The following LHPP variants were observed in gnomAD, a reference collection of about 807,000 sequenced individuals.
LHPP encodes the protein hLHPP.
Under a neutral mutation model 30.3 loss-of-function variants are expected in LHPP, and 24 were observed. That is an observed-to-expected ratio of 0.79 (90% CI 0.57 to 1.11). The LOEUF (loss-of-function observed/expected upper bound fraction) is 1.11. Among genes scored for constraint, LHPP ranks in the 50% most tolerant of loss-of-function variants. LHPP has a pLI of 0.00. For synonymous variants in LHPP, 150 were observed against 157.1 expected (o/e 0.95, Z 0.34); for missense variants, 356 against 367.2 (o/e 0.97, Z 0.25).
chr10:124,522,126 C>G (rs1190959547), intron 6 of LHPP, among the ~76,000 whole-genome samples: 1 of 152,210 alleles, frequency 6.6e-6, no homozygotes, highest in Non-Finnish European at 1.5e-5. Context: ...CATCCCCGGG[C>G]AGGGGTGTCT....
intron 6 of LHPP, among the ~76,000 whole-genome samples, chr10:124,533,169 T>C (rs1954939946): frequency 6.6e-6 from 1 of 152,132 alleles, no homozygotes; most frequent in African/African-American, 2.4e-5. Flanking sequence ...TCTGCAGGCA[T>C]CTGAGATATT....
At chr10:124,561,683 G>A (rs190308405) in intron 6 of LHPP, among the ~76,000 whole-genome samples, 7 of 151,592 alleles carry the variant, frequency 4.6e-5, no homozygotes, top group East Asian at 2.0e-4. Context: ...GAACCTGGAC[G>A]TCCACCCCAC....
chr10:124,500,299 C>A (rs529201615), intron 5 of LHPP, among the ~76,000 whole-genome samples: 2 of 151,894 alleles, frequency 1.3e-5, no homozygotes, highest in Middle Eastern at 3.4e-3. Flanking sequence ...ATGGTGAAAC[C>A]CCGTCTCTAC....
At chr10:124,522,725 C>CCCG (rs1554886530) in intron 6 of LHPP, among the ~76,000 whole-genome samples, 3 of 148,576 alleles carry the variant, frequency 2.0e-5, no homozygotes, top group Non-Finnish European at 4.4e-5. Context: ...CTGCCCACGC[C>CCCG]CCCCCCCAAG....
chr10:124,530,845 C>T (rs1445192356), intron 6 of LHPP, among the ~76,000 whole-genome samples: 2 of 152,228 alleles, frequency 1.3e-5, no homozygotes, highest in African/African-American at 4.8e-5. Flanking sequence ...TCAGAGTCTC[C>T]TGCAGCCCTG....
At chr10:124,507,087 G>T (rs923093502) in intron 5 of LHPP, among the ~76,000 whole-genome samples, 1 of 21,864 alleles carries the variant, frequency 4.6e-5, no homozygotes. Context: ...TTCAGGTGGG[G>T]GGGTAGGGAG....
chr10:124,545,309 AG>A lies in LHPP; in HGVS notation c.716+28040del, dbSNP rs540055346. 5.9e-5 allele frequency among the ~76,000 whole-genome samples: 9 copies of A among 152,346 alleles called. No homozygotes were observed. The South Asian group carries it at 1.9e-3, about 32-fold the overall frequency. On this transcript the variant is annotated intron_variant, in intron 6 of 6. Transcript: ENST00000368842. Reference sequence around the variant, plus strand: ...TTGTGCGAACCTCCCAGGCCATCCCAGGATGAACTGAGATCATGCCCATAAC... The same window carrying A: ...TTGTGCGAACCTCCCAGGCCATCCCAGATGAACTGAGATCATGCCCATAAC...
chr10:124,598,865 CT>C lies in LHPP; in HGVS notation c.717-14398del, dbSNP rs368214654. Among the ~76,000 whole-genome samples the C allele has an allele frequency of 7.1e-3, 1,078 of 151,592 alleles. 10 individuals carry two copies. The highest frequency in any genetic ancestry group is 0.025 in the African/African-American group (1,030 of 41,256). ...TCCATCTGTCCACCTGTCCATCCCCCTATCCATCCCTGTCCATTCGTCCACC... is the reference window on the plus strand; with the variant it reads ...TCCATCTGTCCACCTGTCCATCCCCCATCCATCCCTGTCCATTCGTCCACC... On this transcript the variant is annotated intron_variant, in intron 6 of 6. Coordinates refer to ENST00000368842, the MANE Select transcript of LHPP (RefSeq NM_022126.4).
chr10:124,485,720 C>T (rs1953304597), intron 2 of LHPP, among the ~76,000 whole-genome samples: 2 of 151,966 alleles, frequency 1.3e-5, no homozygotes, highest in Non-Finnish European at 2.9e-5. Flanking sequence ...TCTGCCTCAG[C>T]CCCCCAAGTA....
Position 124,592,733 on chromosome 10 carries a change from A to G in LHPP, c.717-20531A>G, listed in dbSNP as rs1378657178. ...AACGGTGGGACAGGACCAGGGTCTG[A>G]GGAAAAGCAAAGCAGTGTTGACAGA... On this transcript the variant is annotated intron_variant, in intron 6 of 6. Coordinates refer to ENST00000368842, the MANE Select transcript of LHPP (RefSeq NM_022126.4). This position sits in a 1 kb window ranked among gnomAD's most constrained non-coding sequence, Gnocchi z 6.2. Among the ~76,000 whole-genome samples the G allele has an allele frequency of 2.0e-5, 3 of 152,182 alleles. No homozygotes were observed. The highest frequency in any genetic ancestry group is 7.2e-5 in the African/African-American group (3 of 41,446).
intron 6 of LHPP, among the ~76,000 whole-genome samples, chr10:124,595,193 GT>G (rs1948927905): frequency 6.6e-6 from 1 of 152,218 alleles, no homozygotes; most frequent in Non-Finnish European, 1.5e-5. Flanking sequence ...TCTGGGCAGG[GT>G]TGGGGGGTGA....
chr10:124,522,928 G>C (rs575459686), intron 6 of LHPP, among the ~76,000 whole-genome samples: 2 of 152,302 alleles, frequency 1.3e-5, no homozygotes, highest in Middle Eastern at 6.8e-3. Flanking sequence ...CTGAGCCACA[G>C]ACCCTTCCTG....
At chr10:124,549,004 T>C (rs921284746) in intron 6 of LHPP, among the ~76,000 whole-genome samples, 5 of 152,190 alleles carry the variant, frequency 3.3e-5, no homozygotes, top group Non-Finnish European at 7.3e-5. Context: ...GGCAAAACAC[T>C]TGACATCTAT....
At chr10:124,611,975 C>T (rs1949207420) in intron 6 of LHPP, among the ~76,000 whole-genome samples, 1 of 152,176 alleles carries the variant, frequency 6.6e-6, no homozygotes, top group African/African-American at 2.4e-5. Flanking sequence ...GCAGACGGGC[C>T]GCTCCCCACT....
intron 6 of LHPP, chr10:124,526,106 A>AC (rs1800067315): frequency 1.1e-6 from 1 of 872,912 alleles, no homozygotes; most frequent in African/African-American, 1.8e-5. Context: ...GAGTGGTGGG[A>AC]CAGGGATTGA....
Position 124,567,732 on chromosome 10 carries a change from CACAT to C in LHPP, c.717-45531_717-45528del, listed in dbSNP as rs764166683. The stretch of plus-strand genomic sequence containing the variant: ...CCTCGGTTAGACACGCATATGCACA[CACAT>C]GCACACTCATGTACTTACACATGTG... On this transcript the variant is annotated intron_variant, in intron 6 of 6. Coordinates refer to ENST00000368842, the MANE Select transcript of LHPP (RefSeq NM_022126.4). Among the ~76,000 whole-genome samples the C allele has an allele frequency of 2.3e-3, 348 of 152,308 alleles. 1 individual carries two copies. The highest frequency in any genetic ancestry group is 3.7e-3 in the Non-Finnish European group (255 of 68,042).
rs1310057548 is a variant in LHPP at position 124,576,751 on chromosome 10, C to G, written c.717-36513C>G. ...GGGGGGTTCTTTAGGGCAGGAGTTA[C>G]CTGCCCTGTAGACGGGGAGACCACA... On this transcript the variant is annotated intron_variant, in intron 6 of 6. Coordinates refer to ENST00000368842, the MANE Select transcript of LHPP (RefSeq NM_022126.4). The surrounding 1 kb of genome is among the most constrained non-coding windows in gnomAD (Gnocchi z 4.2). 2.0e-5 allele frequency among the ~76,000 whole-genome samples: 3 copies of G among 152,050 alleles called. No individual in the cohort carries two copies. Among genetic ancestry groups the G allele is most frequent in the African/African-American group, 7.2e-5 (3 of 41,380 alleles).
intron 6 of LHPP, among the ~76,000 whole-genome samples, chr10:124,564,641 A>C (rs1312662432): frequency 6.6e-6 from 1 of 152,172 alleles, no homozygotes; most frequent in African/African-American, 2.4e-5. Flanking sequence ...AGGCATGAGT[A>C]TTCGGAGCAT....
intron 6 of LHPP, among the ~76,000 whole-genome samples, chr10:124,603,555 T>G (rs1949054936): frequency 6.6e-6 from 1 of 151,550 alleles, no homozygotes; most frequent in African/African-American, 2.4e-5. Context: ...AGTCCTGGGT[T>G]TTTGTTTGGA....
Sources: gnomAD v4.1 joint callset for allele counts (sites outside exome capture counted in the v4.1 genomes callset) on GRCh38, gnomAD v4.1.1 for gene constraint, Gnocchi (gnomAD v3.1) non-coding constraint, MANE v1.5 for transcripts, NCBI Gene and HGNC (gene_info 2026-07-23, HGNC 2026-07-21) for gene names.